TPD52: variants seen among roughly 807,000 people sequenced by gnomAD.
The protein encoded by TPD52 is tumor protein D52, also known as prostate and colon associated protein.
A neutral mutation model predicts 31.3 loss-of-function variants in TPD52; 17 were observed. The ratio of observed to expected loss-of-function variants is 0.54; its 90% CI spans 0.37 to 0.82. The LOEUF is 0.82. Ranked by LOEUF, TPD52 falls within the 40% of genes least tolerant of loss-of-function variation. TPD52 has a pLI of 0.00. For synonymous variants in TPD52, 83 were observed against 89.6 expected, an observed-to-expected ratio of 0.93 and a Z score of 0.42; for missense variants, 212 against 240.1, an observed-to-expected ratio of 0.88 and a Z score of 0.77.
At chr8:80,053,606 C>T (rs1811582321) in intron 2 of TPD52, among the ~76,000 whole-genome samples, 176 bp from the exon 3 acceptor site, 1 of 152,104 alleles carries the variant, frequency 6.6e-6, no homozygotes, top group African/African-American at 2.4e-5. Context: ...GCTGATCTCT[C>T]CTGTAGAGTT....
rs34231994 is a variant in TPD52 at position 80,148,317 on chromosome 8, A to AGTGTGTGTGTGTGTGTGTGTGTGT, written c.19+23084_19+23107dup. Among the ~76,000 whole-genome samples, 753 of 143,960 alleles carry AGTGTGTGTGTGTGTGTGTGTGTGT rather than the reference A, an allele frequency of 5.2e-3. 12 individuals are homozygous for AGTGTGTGTGTGTGTGTGTGTGTGT. The highest frequency in any genetic ancestry group is 0.019 in the African/African-American group (715 of 37,722). The allele number at this position is 143,960 out of a possible 152,430, so 94.4% of individuals were successfully genotyped here. A position where few individuals can be genotyped will look rare whatever the true frequency, so the allele number is the denominator to read the frequency against. On this transcript the variant is annotated intron_variant, in intron 1 of 7. Coordinates refer to ENST00000518937, the MANE Select transcript of TPD52 (RefSeq NM_001025253.3). Reference sequence around the variant, plus strand: ...ACAAGTGCACCACCATTCCTGGCTAAGTGTGTGTGTGTGTGTGTGTGTGTG... The same window carrying AGTGTGTGTGTGTGTGTGTGTGTGT: ...ACAAGTGCACCACCATTCCTGGCTAAGTGTGTGTGTGTGTGTGTGTGTGTGTGTGTGTGTGTGTGTGTGTGTGTG...
chr8:80,139,547 C>T (rs1432443261), intron 1 of TPD52, among the ~76,000 whole-genome samples: 2 of 148,456 alleles, frequency 1.3e-5, no homozygotes, highest in Non-Finnish European at 3.0e-5. Context: ...CACTCTGGGG[C>T]ATATGCAACT....
chr8:80,064,783 C>G, intron 1 of TPD52, 190 bp from the exon 2 acceptor site: 1 of 692,630 alleles, frequency 1.4e-6, no homozygotes, highest in Non-Finnish European at 2.6e-6. Context: ...CGGAAACTAC[C>G]AAGTAGACTC....
chr8:80,128,356 GATA>G (rs1808776843), intron 1 of TPD52, among the ~76,000 whole-genome samples: 1 of 151,832 alleles, frequency 6.6e-6, no homozygotes, highest in African/African-American at 2.4e-5. Flanking sequence ...TGAGTGAATA[GATA>G]ATAATTTATC....
chr8:80,042,473 T>A, intron 7 of TPD52, 147 bp downstream of exon 7: 1 of 1,418,120 alleles, frequency 7.1e-7, no homozygotes, highest in East Asian at 2.5e-5. Flanking sequence ...ACACCTTAAA[T>A]GTCCACTAGT....
At chr8:80,082,394 T>C (rs1439883046) in intron 1 of TPD52, among the ~76,000 whole-genome samples, 1 of 152,162 alleles carries the variant, frequency 6.6e-6, no homozygotes, top group Non-Finnish European at 1.5e-5. Flanking sequence ...CTGCATTTGG[T>C]CACTAAATAT....
chr8:80,126,832 A>G (rs1808646405), intron 1 of TPD52, among the ~76,000 whole-genome samples: 2 of 152,168 alleles, frequency 1.3e-5, no homozygotes, highest in Non-Finnish European at 2.9e-5. Context: ...TTCATTTACA[A>G]TAGCATATCA....
intron 1 of TPD52, among the ~76,000 whole-genome samples, chr8:80,140,819 GGAAACACT>G (rs1249126755): frequency 1.3e-5 from 2 of 152,070 alleles, no homozygotes; most frequent in Non-Finnish European, 2.9e-5. Flanking sequence ...AAAACGATGG[GGAAACACT>G]ACCAAACTAA....
At chr8:80,080,736 T>G in intron 1 of TPD52, 15 of 1,104,374 alleles carry the variant, frequency 1.4e-5, no homozygotes, top group Non-Finnish European at 1.7e-5. Flanking sequence ...ATGAAAAACC[T>G]GGGCAGGGAG....
chr8:80,112,541 T>C (rs1807567096), intron 1 of TPD52, among the ~76,000 whole-genome samples: 1 of 152,212 alleles, frequency 6.6e-6, no homozygotes, highest in South Asian at 2.1e-4. Flanking sequence ...CTCTTGGTAG[T>C]AAAGAATACC....
intron 3 of TPD52, chr8:80,052,474 CT>C (rs1257886483): frequency 5.5e-6 from 2 of 365,728 alleles, no homozygotes. Context: ...AAATAGTTTC[CT>C]GTATGTTTTC....
At chr8:80,050,937 G>GC (rs1430306621) in intron 4 of TPD52, among the ~76,000 whole-genome samples, 2 of 150,864 alleles carry the variant, frequency 1.3e-5, no homozygotes, top group Non-Finnish European at 2.9e-5. Flanking sequence ...TGAAGGGGGG[G>GC]CACAAAAGCA....
At chr8:80,151,576 G>T (rs1004367935) in intron 1 of TPD52, among the ~76,000 whole-genome samples, 1 of 152,146 alleles carries the variant, frequency 6.6e-6, no homozygotes, top group Admixed American at 6.5e-5. Context: ...CCCAAAAAAA[G>T]ATCAGTTTTT....
At chr8:80,090,701 T>C (rs1466524082) in intron 1 of TPD52, among the ~76,000 whole-genome samples, 2 of 146,174 alleles carry the variant, frequency 1.4e-5, no homozygotes, top group African/African-American at 5.0e-5. Context: ...CACAGTATTA[T>C]AAGAAAGAAA....
chr8:80,133,783 C>CAGAAA (rs1161715683), intron 1 of TPD52, among the ~76,000 whole-genome samples: 10 of 141,486 alleles, frequency 7.1e-5, no homozygotes, highest in African/African-American at 1.1e-4. Context: ...AAAAAAAAAA[C>CAGAAA]AGAAAAGAAA....
intron 1 of TPD52, among the ~76,000 whole-genome samples, chr8:80,072,357 A>ATGTG: frequency 1.1e-5 from 1 of 90,606 alleles, no homozygotes; most frequent in East Asian, 5.1e-4. Flanking sequence ...GTATGTGTGT[A>ATGTG]TATACATGTA....
At chr8:80,047,190 T>C (rs780970871) in intron 5 of TPD52, among the ~76,000 whole-genome samples, 16 of 152,170 alleles carry the variant, frequency 1.1e-4, no homozygotes, top group Non-Finnish European at 2.2e-4. Flanking sequence ...GGACTAGGTG[T>C]GCTCGGTTCC....
chr8:80,129,726 CGG>C (rs1808889597), intron 1 of TPD52, among the ~76,000 whole-genome samples: 1 of 115,444 alleles, frequency 8.7e-6, no homozygotes, highest in Admixed American at 1.0e-4. Flanking sequence ...TTTTTTGAGA[CGG>C]AGTCTCCATC....
chr8:80,132,355 A>G (rs1260540333), intron 1 of TPD52, among the ~76,000 whole-genome samples: 1 of 152,006 alleles, frequency 6.6e-6, no homozygotes, highest in African/African-American at 2.4e-5. Flanking sequence ...ATATACCAGG[A>G]CCTGTAGTCC....
Sources: gnomAD v4.1 joint callset for allele counts (sites outside exome capture counted in the v4.1 genomes callset) on GRCh38, gnomAD v4.1.1 for gene constraint, MANE v1.5 for transcripts, NCBI Gene and HGNC (gene_info 2026-07-23, HGNC 2026-07-21) for gene names.